COL8A2: variants seen among roughly 807,000 people sequenced by gnomAD.
COL8A2 encodes collagen alpha-2(VIII) chain.
Under a neutral mutation model 24.0 loss-of-function variants are expected in COL8A2, and 16 were observed. The observed-to-expected ratio is 0.67, with a 90% CI of 0.45 to 1.01. The LOEUF (loss-of-function observed/expected upper bound fraction) is 1.01, where lower values mean the gene tolerates loss of function less well. Ranked by LOEUF, COL8A2 falls within the 50% of genes least tolerant of loss-of-function variation. The pLI is 0.00. For missense variants in COL8A2, 818 were observed against 942.4 expected (o/e 0.87, Z 1.73); for synonymous variants, 466 against 424.5 (o/e 1.10, Z -1.20).
intron 2 of COL8A2, among the ~76,000 whole-genome samples, chr1:36,104,773 T>C (rs1643731604): frequency 6.6e-6 from 1 of 152,082 alleles, no homozygotes; most frequent in Non-Finnish European, 1.5e-5. Context: ...CCAGCCTGGG[T>C]GACAGAGCGA....
rs200214388 is a variant in COL8A2, at chr1:36,100,165, C to T, written c.78G>A (p.Ala26=). Residue 26 remains alanine (A), a synonymous_variant, in exon 3 of 4, where the codon GCG becomes GCA. Coordinates refer to ENST00000397799, the MANE Select transcript of COL8A2 (RefSeq NM_005202.4). The part of the protein sequence containing the change: ...LVLVLGCGPR[A]SSGGGAGGAA... ...CCCCACCGGCCCCGCCACCAGAGGA[C>T]GCCCGCGGCCCACACCCCAGCACCA... 8.6e-5 allele frequency: 138 copies of T among 1,611,276 alleles called. No homozygotes were observed. Among genetic ancestry groups the T allele is most frequent in the Middle Eastern group, 6.6e-4 (4 of 6,042 alleles).
chr1:36,118,207 A>G (rs1643888696), intron 1 of COL8A2, among the ~76,000 whole-genome samples: 1 of 152,224 alleles, frequency 6.6e-6, no homozygotes, highest in South Asian at 2.1e-4. Context: ...CAGAGAGGTC[A>G]CATCCATTCT....
In COL8A2 at chr1:36,098,870, G is replaced by A; in HGVS notation, c.811C>T (p.Pro271Ser). 1 of 1,612,298 alleles carries A rather than the reference G, an allele frequency of 6.2e-7. No individual in the cohort carries two copies. Among genetic ancestry groups the A allele is most frequent in the Non-Finnish European group, 8.5e-7 (1 of 1,179,720 alleles). The part of the protein sequence containing the change: ...GPRGEPGAVG[P>S]KGPPGVDGVG... ...CCGTCTACTCCAGGAGGTCCTTTTGGGCCCACAGCTCCTGGCTCCCCCCTG... is the reference window on the plus strand; with the variant it reads ...CCGTCTACTCCAGGAGGTCCTTTTGAGCCCACAGCTCCTGGCTCCCCCCTG... Residue 271 changes from proline (P) to serine (S), a missense_variant, in exon 4 of 4, where the codon CCA (proline) becomes TCA (serine). Pro to Ser is a moderately conservative substitution (Grantham distance 74). Coordinates refer to ENST00000397799, the MANE Select transcript of COL8A2 (RefSeq NM_005202.4).
At chr1:36,111,946 C>A (rs1643847202) in intron 2 of COL8A2, among the ~76,000 whole-genome samples, 1 of 152,190 alleles carries the variant, frequency 6.6e-6, no homozygotes, top group Non-Finnish European at 1.5e-5. Context: ...TGCCCTGTAC[C>A]TCCAGGTGCC....
chr1:36,099,821 G>GC (rs1033545656), intron 3 of COL8A2, among the ~76,000 whole-genome samples: 2 of 152,168 alleles, frequency 1.3e-5, no homozygotes, highest in African/African-American at 4.8e-5. Context: ...TGGGAGCAGA[G>GC]CCCCACCTCC....
At position 36,099,406 on chromosome 1, in the gene COL8A2, C is replaced by T; in HGVS notation, c.275G>A (p.Gly92Asp). ...TGGTTTTCCTGGGAAGCCAGGGGGG[C>T]CAGGGGGACCCCGAGGCCCGGGCTT... ...PGKPGPRGPP[G>D]PPGFPGKPGM... is the part of the protein sequence containing the mutation. Residue 92 changes from glycine (G) to aspartate (D), a missense_variant, in exon 4 of 4, where the codon GGC becomes GAC. Around this residue, in one of 3 missense-constraint regions of COL8A2, gnomAD observed 573 missense variants for 616.8 expected, o/e 0.93. Coordinates refer to ENST00000397799, the MANE Select transcript of COL8A2 (RefSeq NM_005202.4). 1 of 1,556,982 alleles carries T rather than the reference C, an allele frequency of 6.4e-7. No homozygotes were observed. The highest frequency in any genetic ancestry group is 8.7e-7 in the Non-Finnish European group (1 of 1,154,770).
chr1:36,099,300 G>T lies in COL8A2; in HGVS notation c.381C>A (p.Pro127=). 1 of 1,570,188 alleles carries T rather than the reference G, an allele frequency of 6.4e-7. No homozygotes were observed. Among genetic ancestry groups the T allele is most frequent in the Non-Finnish European group, 8.6e-7 (1 of 1,159,090 alleles). Residue 127 remains proline (P), a synonymous_variant, in exon 4 of 4, where the codon CCC becomes CCA. Transcript: ENST00000397799. ...GCCCGACCTTGCCAGGGAGCCCTGGGGGACCAGCCTTGCCCATCCGGGAGA... is the reference window on the plus strand; with the variant it reads ...GCCCGACCTTGCCAGGGAGCCCTGGTGGACCAGCCTTGCCCATCCGGGAGA... ...PGFSRMGKAG[P]PGLPGKVGPP...
Position 36,115,464 on chromosome 1 carries a change from G to C in COL8A2, c.-17+244C>G, listed in dbSNP as rs182920718. On this transcript the variant is annotated intron_variant, in intron 2 of 3. Transcript: ENST00000397799. The surrounding 1 kb of genome is among the most constrained non-coding windows in gnomAD (Gnocchi z 5.7). ...CACCCAGGCTGGGCCAAGCAAACAC[G>C]GCCCCGCCAAGGAGCCAGGCGAAAT... Among the ~76,000 whole-genome samples the C allele has an allele frequency of 2.0e-5, 3 of 152,108 alleles. No homozygotes were observed. Among genetic ancestry groups the C allele is most frequent in the Non-Finnish European group, 4.4e-5 (3 of 68,020 alleles).
At chr1:36,104,221 G>A (rs995699343) in intron 2 of COL8A2, among the ~76,000 whole-genome samples, 1 of 151,576 alleles carries the variant, frequency 6.6e-6, no homozygotes, top group Non-Finnish European at 1.5e-5. Context: ...GCCAGGCGCA[G>A]TGGCTCGTGC....
At chr1:36,124,156 G>C (rs1309271178) in intron 1 of COL8A2, among the ~76,000 whole-genome samples, 2 of 152,176 alleles carry the variant, frequency 1.3e-5, no homozygotes, top group Non-Finnish European at 2.9e-5. Context: ...TAGCAGACAG[G>C]AGGGATGATT....
At chr1:36,114,943 C>A (rs889375507) in intron 2 of COL8A2, among the ~76,000 whole-genome samples, 3 of 152,184 alleles carry the variant, frequency 2.0e-5, no homozygotes, top group Non-Finnish European at 4.4e-5. Context: ...AGTCTAGGTT[C>A]TCCGCTGCTT....
rs1443717062 is a variant in COL8A2, at chr1:36,123,122, C to T, written c.-62+1935G>A. 6.6e-6 allele frequency among the ~76,000 whole-genome samples: 1 copy of T among 152,210 alleles called. No homozygotes were observed. The highest frequency in any genetic ancestry group is 1.5e-5 in the Non-Finnish European group (1 of 68,030). ...GCCCCTCCTCGGGTACCTAGTAGGG[C>T]ACCGTGAGACCACAGCCACACCCCA... On this transcript the variant is annotated intron_variant, in intron 1 of 3. Transcript: ENST00000397799. This position sits in a 1 kb window ranked among gnomAD's most constrained non-coding sequence, Gnocchi z 4.1.
At chr1:36,113,080 C>A (rs530743016) in intron 2 of COL8A2, among the ~76,000 whole-genome samples, 1 of 152,290 alleles carries the variant, frequency 6.6e-6, no homozygotes, top group South Asian at 2.1e-4. Flanking sequence ...TTGAGCCCAG[C>A]AAAGCCCTGA....
chr1:36,120,204 T>C (rs564644038), intron 1 of COL8A2, among the ~76,000 whole-genome samples: 1 of 152,158 alleles, frequency 6.6e-6, no homozygotes, highest in South Asian at 2.1e-4. Context: ...TGAGATTCCA[T>C]TCCTTTTGGG....
In COL8A2 at chr1:36,099,238, A is replaced by T; in HGVS notation, c.443T>A (p.Ile148Lys). 2 of 1,545,738 alleles carry T rather than the reference A, an allele frequency of 1.3e-6. No individual in the cohort carries two copies. Among genetic ancestry groups the T allele is most frequent in the Non-Finnish European group, 1.7e-6 (2 of 1,145,164 alleles). Reference sequence around the variant, plus strand: ...TCCCCGGAGGCCCTGGTCCCCTCGTATTCCTGGCTCCCCCCGAAGCCCCGG... The same window carrying T: ...TCCCCGGAGGCCCTGGTCCCCTCGTTTTCCTGGCTCCCCCCGAAGCCCCGG... Reference protein sequence around the residue: ...GQPGLRGEPGIRGDQGLRGPP... With the variant: ...GQPGLRGEPGKRGDQGLRGPP... The change falls in exon 4 of 4, where the codon ATA becomes AAA. Residue 148 changes from isoleucine (I) to lysine (K), a missense_variant. Physicochemically the swap from Ile to Lys is moderately radical, Grantham distance 102. Around this residue, in one of 3 missense-constraint regions of COL8A2, gnomAD observed 573 missense variants for 616.8 expected, o/e 0.93. Coordinates refer to ENST00000397799, the MANE Select transcript of COL8A2 (RefSeq NM_005202.4).
chr1:36,097,517 C>A lies in COL8A2; in HGVS notation c.*52G>T. 1 of 1,378,828 alleles carries A rather than the reference C, an allele frequency of 7.3e-7. No individual in the cohort carries two copies. Among genetic ancestry groups the A allele is most frequent in the South Asian group, 1.3e-5 (1 of 76,248 alleles). The allele number at this position is 1,378,828 out of a possible 1,614,324, so 85.4% of individuals were successfully genotyped here. A position where few individuals can be genotyped will look rare whatever the true frequency, so the allele number is the denominator to read the frequency against. On this transcript the variant is annotated 3_prime_UTR_variant, in exon 4 of 4. Coordinates refer to ENST00000397799, the MANE Select transcript of COL8A2 (RefSeq NM_005202.4). Reference sequence around the variant, plus strand: ...GGAGGTTCTTTGTAATTGAAAAGGTCGCTCTACCACTAAAGGGGAGGAGGC... The same window carrying A: ...GGAGGTTCTTTGTAATTGAAAAGGTAGCTCTACCACTAAAGGGGAGGAGGC...
Position 36,098,942 on chromosome 1 carries a change from C to T in COL8A2, c.739G>A (p.Ala247Thr), listed in dbSNP as rs1410990466. 1.9e-6 allele frequency: 3 copies of T among 1,610,316 alleles called. No homozygotes were observed. In the South Asian group the frequency reaches 3.3e-5, roughly 18 times the overall value. The stretch of plus-strand genomic sequence containing the variant: ...CCAGACTCACCCTTGTCTCCTGGGG[C>T]CCCAGGAAGCCCATCCAAACCAGGT... The part of the protein sequence containing the change: ...GKPGLDGLPG[A>T]PGDKGESGPP... The change falls in exon 4 of 4, where the codon GCC becomes ACC. Residue 247 changes from alanine (A) to threonine (T), a missense_variant. This residue lies in a region of COL8A2 where 573 missense variants were observed against 616.8 expected (regional missense o/e 0.93). Transcript: ENST00000397799.
chr1:36,100,085 C>G lies in COL8A2; in HGVS notation c.158G>C (p.Gly53Ala). 1.2e-6 allele frequency: 2 copies of G among 1,612,028 alleles called. No homozygotes were observed. Among genetic ancestry groups the G allele is most frequent in the Non-Finnish European group, 8.5e-7 (1 of 1,178,472 alleles). The change falls in exon 3 of 4, where the codon GGA (glycine) becomes GCA (alanine). Residue 53 changes from glycine (G) to alanine (A), a missense_variant. By Grantham distance (60) the Gly-to-Ala change is moderately conservative. This residue lies in a region of COL8A2 where 573 missense variants were observed against 616.8 expected (regional missense o/e 0.93). Transcript: ENST00000397799. ...GCCTTTGCCCTCACGGAAGGGCGGT[C>G]CCACAGGTCCTTTCTGCATGGGCTG... ...YIQPMQKGPV[G>A]PPFREGKGQY...
chr1:36,106,744 G>T (rs1431246401), intron 2 of COL8A2, among the ~76,000 whole-genome samples: 1 of 152,134 alleles, frequency 6.6e-6, no homozygotes, highest in African/African-American at 2.4e-5. Context: ...GCAGCCAGGA[G>T]CCCAGGCGGC....
Sources: allele counts gnomAD v4.1 joint callset (sites outside exome capture counted in the v4.1 genomes callset), GRCh38; gene constraint gnomAD v4.1.1; regional missense constraint gnomAD v4.1.1; non-coding constraint Gnocchi (gnomAD v3.1); transcripts MANE v1.5; gene names NCBI Gene and HGNC (gene_info 2026-07-23, HGNC 2026-07-21).